PPP1R9A: variants seen among roughly 807,000 people sequenced by gnomAD.
PPP1R9A encodes neurabin-1.
Under a neutral mutation model 141.9 loss-of-function variants are expected in PPP1R9A, and 59 were observed. The observed-to-expected ratio is 0.42, with a 90% confidence interval of 0.34 to 0.52. PPP1R9A has a LOEUF of 0.52. PPP1R9A is among the 20% of genes least tolerant of loss of function. The pLI is 0.10. For synonymous variants in PPP1R9A, 500 were observed against 569.7 expected (o/e 0.88, Z 1.74); for missense variants, 1,444 against 1,611.9 (o/e 0.90, Z 1.78).
At chr7:95,092,393 T>C (rs1483959223) in intron 2 of PPP1R9A, among the ~76,000 whole-genome samples, 1 of 152,014 alleles carries the variant, frequency 6.6e-6, no homozygotes, top group Non-Finnish European at 1.5e-5. Context: ...GTTGCATTTT[T>C]ATGCCAACTT....
Position 95,284,088 on chromosome 7 carries a change from C to G in PPP1R9A, c.3367C>G (p.Pro1123Ala). 1.9e-6 allele frequency: 3 copies of G among 1,595,964 alleles called. No homozygotes were observed. The highest frequency in any genetic ancestry group is 2.5e-6 in the Non-Finnish European group (3 of 1,176,610). ...AACAGCTCAGACCTCCACTCGTTCC[C>G]CTTGCATGCCTTTCTCATGGTTTAA... is the stretch of plus-strand genomic sequence containing the variant. Reference protein sequence around the residue: ...CSTAQTSTRSPCMPFSWFNDS... With the variant: ...CSTAQTSTRSACMPFSWFNDS... Residue 1123 changes from proline (P) to alanine (A), a missense_variant, in exon 17 of 20, where the codon CCT becomes GCT. Physicochemically the swap from Pro to Ala is conservative, Grantham distance 27. This residue lies in a region of PPP1R9A where 459 missense variants were observed against 513.8 expected (regional missense o/e 0.89). Coordinates refer to ENST00000433360, the MANE Select transcript of PPP1R9A (RefSeq NM_001166160.2).
At chr7:95,072,101 G>T (rs1289384251) in intron 2 of PPP1R9A, among the ~76,000 whole-genome samples, 4 of 150,732 alleles carry the variant, frequency 2.7e-5, no homozygotes, top group African/African-American at 9.7e-5. Context: ...TATTATAAAA[G>T]AAATATGTAT....
chr7:95,184,040 A>G (rs1038604659), intron 5 of PPP1R9A, among the ~76,000 whole-genome samples: 2 of 152,180 alleles, frequency 1.3e-5, no homozygotes, highest in Non-Finnish European at 2.9e-5. Context: ...AAGGAAAAAT[A>G]TGTAAGAATA....
chr7:95,286,418 G>A, intron 18 of PPP1R9A, 93 bp downstream of exon 18: 3 of 1,536,960 alleles, frequency 2.0e-6, no homozygotes, highest in Non-Finnish European at 1.8e-6. Flanking sequence ...GGTAGATATT[G>A]CATAGAAATC....
At chr7:94,937,005 C>A (rs112158277) in intron 2 of PPP1R9A, among the ~76,000 whole-genome samples, 3,394 of 152,108 alleles carry the variant, frequency 0.022, 127 homozygotes, top group African/African-American at 0.078. Flanking sequence ...AGTTGACAGG[C>A]ATGTAAGACC....
chr7:95,110,272 T>C (rs1192400266), intron 2 of PPP1R9A, among the ~76,000 whole-genome samples: 2 of 152,182 alleles, frequency 1.3e-5, no homozygotes, highest in African/African-American at 4.8e-5. Flanking sequence ...ATAGACATGA[T>C]TTCTTTAGTC....
chr7:95,041,868 T>C (rs1469426288), intron 2 of PPP1R9A, among the ~76,000 whole-genome samples: 2 of 152,144 alleles, frequency 1.3e-5, no homozygotes, highest in Non-Finnish European at 2.9e-5. Flanking sequence ...GAACCTGTGC[T>C]GGAAGGATAA....
chr7:95,153,709 ATTG>A (rs1171552924), intron 4 of PPP1R9A, among the ~76,000 whole-genome samples: 1 of 152,192 alleles, frequency 6.6e-6, no homozygotes, highest in Non-Finnish European at 1.5e-5. Context: ...AATGAGGAGA[ATTG>A]TTGTTAGTTC....
chr7:95,031,822 G>A (rs964137763), intron 2 of PPP1R9A, among the ~76,000 whole-genome samples: 2 of 151,592 alleles, frequency 1.3e-5, no homozygotes, highest in African/African-American at 4.8e-5. Context: ...AGTTTTTGAA[G>A]GACTAATTCA....
At chr7:94,968,072 T>A (rs1798412611) in intron 2 of PPP1R9A, among the ~76,000 whole-genome samples, 1 of 152,218 alleles carries the variant, frequency 6.6e-6, no homozygotes, top group African/African-American at 2.4e-5. Flanking sequence ...TCTAAGAACT[T>A]GCTTTATGAA....
chr7:95,096,507 T>C (rs377511033), intron 2 of PPP1R9A, among the ~76,000 whole-genome samples: 16 of 152,312 alleles, frequency 1.1e-4, no homozygotes, highest in East Asian at 7.7e-4. Context: ...CACTGAGTCC[T>C]CCAAAAGGAC....
At position 94,910,844 on chromosome 7, in the gene PPP1R9A, C is replaced by T. The variant is rs746165385; in HGVS notation, c.731C>T (p.Thr244Ile). The change falls in exon 2 of 20, where the codon ACA becomes ATA. Residue 244 changes from threonine (T) to isoleucine (I), a missense_variant. Around this residue, in one of 5 missense-constraint regions of PPP1R9A, gnomAD observed 490 missense variants for 521.1 expected, o/e 0.94. Transcript: ENST00000433360. The surrounding 1 kb of genome is among the most constrained non-coding windows in gnomAD (Gnocchi z 4.5). ...TTGAATTTACCATCTGTTACTGTTACAAATCTTGACACATTTGGTCACCTG... is the reference window on the plus strand; with the variant it reads ...TTGAATTTACCATCTGTTACTGTTATAAATCTTGACACATTTGGTCACCTG... ...YPLNLPSVTV[T>I]NLDTFGHLKD... The T allele has an allele frequency of 1.2e-6, 2 of 1,613,804 alleles. No individual in the cohort carries two copies. Among genetic ancestry groups the T allele is most frequent in the South Asian group, 1.1e-5 (1 of 91,090 alleles).
rs1363621647 is a variant in PPP1R9A at position 95,204,609 on chromosome 7, A to C, written c.1956+879A>C. Among the ~76,000 whole-genome samples, 3 of 150,892 alleles carry C rather than the reference A, an allele frequency of 2.0e-5. No individual in the cohort carries two copies. The East Asian group carries it at 5.9e-4, about 29-fold the overall frequency. ...CACATGCTTAACACACACACACACCACACACACACCACACTCACACCACAC... is the reference window on the plus strand; with the variant it reads ...CACATGCTTAACACACACACACACCCCACACACACCACACTCACACCACAC... On this transcript the variant is annotated intron_variant, in intron 7 of 19. Coordinates refer to ENST00000433360, the MANE Select transcript of PPP1R9A (RefSeq NM_001166160.2).
At chr7:95,012,483 G>A (rs945375769) in intron 2 of PPP1R9A, among the ~76,000 whole-genome samples, 6 of 152,128 alleles carry the variant, frequency 3.9e-5, no homozygotes, top group African/African-American at 1.4e-4. Flanking sequence ...ATGATGTTTG[G>A]GCAGGGACAC....
intron 2 of PPP1R9A, among the ~76,000 whole-genome samples, chr7:95,068,125 A>T (rs1813216216): frequency 6.6e-6 from 1 of 152,086 alleles, no homozygotes; most frequent in Non-Finnish European, 1.5e-5. Context: ...AATATTGCAA[A>T]CCTCAGCGCC....
intron 2 of PPP1R9A, among the ~76,000 whole-genome samples, chr7:94,930,333 C>T (rs1794000404): frequency 6.6e-6 from 1 of 152,034 alleles, no homozygotes; most frequent in Non-Finnish European, 1.5e-5. Flanking sequence ...ATAAAGGTTG[C>T]TAAACATTTT....
At chr7:94,990,860 G>A (rs1584150870) in intron 2 of PPP1R9A, among the ~76,000 whole-genome samples, 1 of 151,894 alleles carries the variant, frequency 6.6e-6, no homozygotes, top group East Asian at 1.9e-4. Context: ...TTCCATCCTT[G>A]TTATTGCAAA....
chr7:95,193,619 G>T (rs1315374182), intron 5 of PPP1R9A, among the ~76,000 whole-genome samples: 1 of 151,630 alleles, frequency 6.6e-6, no homozygotes, highest in Non-Finnish European at 1.5e-5. Flanking sequence ...CTTTTTTTGA[G>T]GATAGGAAGA....
chr7:94,918,013 A>G (rs1389564239), intron 2 of PPP1R9A, among the ~76,000 whole-genome samples: 1 of 152,198 alleles, frequency 6.6e-6, no homozygotes, highest in Non-Finnish European at 1.5e-5. Context: ...TATAAACAAA[A>G]CAAACATTAC....
Sources: allele counts gnomAD v4.1 joint callset (sites outside exome capture counted in the v4.1 genomes callset), GRCh38; gene constraint gnomAD v4.1.1; regional missense constraint gnomAD v4.1.1; non-coding constraint Gnocchi (gnomAD v3.1); transcripts MANE v1.5; gene names NCBI Gene and HGNC (gene_info 2026-07-23, HGNC 2026-07-21).